The following ZNF362 variants were observed in gnomAD, a reference collection of about 807,000 sequenced individuals.
The protein encoded by ZNF362 is zinc finger protein 362.
In ZNF362, 11 loss-of-function variants were observed where a neutral mutation model predicts 42.9. The ratio of observed to expected loss-of-function variants is 0.26; its 90% confidence interval spans 0.16 to 0.42. The LOEUF is 0.42. Among genes scored for constraint, ZNF362 ranks in the 20% least tolerant of loss-of-function variants. The pLI is 1.00. For synonymous variants in ZNF362, 255 were observed against 257.3 expected (o/e 0.99, Z 0.09); for missense variants, 362 against 576.2 (o/e 0.63, Z 3.81).
In ZNF362 at chr1:33,294,504, A is replaced by G. The variant is rs1199597747; in HGVS notation, c.909-433A>G. On this transcript the variant is annotated intron_variant, in intron 6 of 8. Transcript: ENST00000539719. The surrounding 1 kb of genome is among the most constrained non-coding windows in gnomAD (Gnocchi z 4.2). ...GACAGGAAATAAGTGTCTGGGGCCAATTAGAGGGAGATGTCTCCTTCTTCT... is the reference window on the plus strand; with the variant it reads ...GACAGGAAATAAGTGTCTGGGGCCAGTTAGAGGGAGATGTCTCCTTCTTCT... Among the ~76,000 whole-genome samples, 1 of 152,174 alleles carries G rather than the reference A, an allele frequency of 6.6e-6. No homozygotes were observed. Among genetic ancestry groups the G allele is most frequent in the African/African-American group, 2.4e-5 (1 of 41,446 alleles).
rs144824041 is a variant in ZNF362, at chr1:33,272,254, T to G, written c.38+1642T>G. ...GGCCACGGTGGTGTGTGGTTGGCCT[T>G]ATAGGTGAGAGTTCTTTGCAGAAGC... On this transcript the variant is annotated intron_variant, in intron 2 of 8. Coordinates refer to ENST00000539719, the MANE Select transcript of ZNF362 (RefSeq NM_152493.3). Among the ~76,000 whole-genome samples the G allele has an allele frequency of 4.2e-3, 641 of 152,186 alleles. 7 individuals are homozygous for G. Among genetic ancestry groups the G allele is most frequent in the South Asian group, 6.0e-3 (29 of 4,812 alleles).
At chr1:33,185,030 C>T in the ZNF362 span, among the ~76,000 whole-genome samples, 1 of 152,132 alleles carries the variant, frequency 6.6e-6, no homozygotes. Context: ...ATCCAACCGC[C>T]TCTGCCTCCC....
the ZNF362 span, among the ~76,000 whole-genome samples, chr1:33,155,469 T>C: frequency 1.2e-4 from 18 of 152,204 alleles, no homozygotes; most frequent in Admixed American, 2.0e-4. Context: ...CTGTGTGACC[T>C]GAGGGAGTCA....
intron 8 of ZNF362, among the ~76,000 whole-genome samples, chr1:33,297,764 T>C (rs1176185925): frequency 6.6e-6 from 1 of 152,216 alleles, no homozygotes; most frequent in African/African-American, 2.4e-5. Flanking sequence ...TCCGCCCGCC[T>C]CAGTCTCCCA....
the ZNF362 span, among the ~76,000 whole-genome samples, chr1:33,215,043 C>T: frequency 6.6e-6 from 1 of 152,240 alleles, no homozygotes; most frequent in East Asian, 1.9e-4. Context: ...TATCTGCGCT[C>T]CCATGTTTAT....
Position 33,259,921 on chromosome 1 carries a change from T to G in ZNF362, c.-89+3267T>G, listed in dbSNP as rs79753717. On this transcript the variant is annotated intron_variant, in intron 1 of 8. Coordinates refer to ENST00000539719, the MANE Select transcript of ZNF362 (RefSeq NM_152493.3). ...GCTTCTGTGACTTTCAGCACATTCT[T>G]TCCCTTTCTGAGCCTCAGTTTCCTC... 1.5e-4 allele frequency among the ~76,000 whole-genome samples: 23 copies of G among 152,336 alleles called. No homozygotes were observed. The East Asian group carries it at 3.5e-3, about 23-fold the overall frequency.
chr1:33,236,550 A>AAAAAAATATATAT, the ZNF362 span, among the ~76,000 whole-genome samples: 1 of 5,980 alleles, frequency 1.7e-4, no homozygotes, highest in African/African-American at 3.9e-4. Flanking sequence ...AAAAAAAAAA[A>AAAAAAATATATAT]ATATATATAT....
chr1:33,282,739 T>G (rs1234789892), intron 6 of ZNF362, among the ~76,000 whole-genome samples: 1 of 151,794 alleles, frequency 6.6e-6, no homozygotes, highest in Non-Finnish European at 1.5e-5. Context: ...GGAGACTCGC[T>G]TGAACCCAGG....
At chr1:33,162,615 G>T in the ZNF362 span, among the ~76,000 whole-genome samples, 1 of 152,172 alleles carries the variant, frequency 6.6e-6, no homozygotes, top group African/African-American at 2.4e-5. Flanking sequence ...AGATTGCTCC[G>T]TAGAGCTGGG....
At chr1:33,269,951 C>G (rs1645890062) in intron 1 of ZNF362, among the ~76,000 whole-genome samples, 1 of 152,182 alleles carries the variant, frequency 6.6e-6, no homozygotes, top group South Asian at 2.1e-4. Flanking sequence ...GCTGGGCTGG[C>G]CTCAGAGACA....
intron 1 of ZNF362, among the ~76,000 whole-genome samples, chr1:33,265,467 G>T (rs553527308): frequency 1.3e-5 from 2 of 152,034 alleles, no homozygotes; most frequent in African/African-American, 4.8e-5. Context: ...GCGGAAACCC[G>T]GTCTAATTGG....
At chr1:33,258,922 C>G (rs1264504073) in intron 1 of ZNF362, among the ~76,000 whole-genome samples, 1 of 152,180 alleles carries the variant, frequency 6.6e-6, no homozygotes, top group East Asian at 1.9e-4. Context: ...TAAATTCAGG[C>G]CTGCAGGCTC....
At chr1:33,200,038 A>T in the ZNF362 span, 2 of 152,606 alleles carry the variant, frequency 1.3e-5, no homozygotes, top group African/African-American at 4.9e-5. Context: ...ACAAACAAAC[A>T]AAACAAAACA....
At chr1:33,187,987 G>A in the ZNF362 span, among the ~76,000 whole-genome samples, 1 of 152,194 alleles carries the variant, frequency 6.6e-6, no homozygotes, top group Admixed American at 6.5e-5. Flanking sequence ...TGTAATCCCA[G>A]CACTTTGGGA....
At chr1:33,164,651 C>T in the ZNF362 span, 3,402 of 152,424 alleles carry the variant, frequency 0.022, 48 homozygotes, top group Non-Finnish European at 0.035. Flanking sequence ...TTTGGCCCTA[C>T]CTTTCAGAGT....
upstream of ZNF362, among the ~76,000 whole-genome samples, chr1:33,255,080 C>A (rs1214209197): frequency 6.6e-6 from 1 of 152,236 alleles, no homozygotes; most frequent in Admixed American, 6.5e-5. Flanking sequence ...TCATGCCACA[C>A]AGATTTCTTG....
At chr1:33,250,799 G>A in the ZNF362 span, among the ~76,000 whole-genome samples, 1 of 148,052 alleles carries the variant, frequency 6.8e-6, no homozygotes, top group South Asian at 2.2e-4. Flanking sequence ...GAAGGAGGAG[G>A]AGAAGGAGAA....
chr1:33,279,867 C>T (rs1176895507), intron 4 of ZNF362, among the ~76,000 whole-genome samples: 1 of 152,118 alleles, frequency 6.6e-6, no homozygotes, highest in Non-Finnish European at 1.5e-5. Flanking sequence ...ATAAATAAGA[C>T]GGCAGTGAAC....
intron 4 of ZNF362, among the ~76,000 whole-genome samples, 199 bp from the exon 5 acceptor site, chr1:33,279,925 C>T (rs1645978941): frequency 6.6e-6 from 1 of 152,178 alleles, no homozygotes; most frequent in Admixed American, 6.5e-5. Context: ...TTCCAAAGTG[C>T]CCCTGTTATC....
Sources: gnomAD v4.1 joint callset for allele counts (sites outside exome capture counted in the v4.1 genomes callset) on GRCh38, gnomAD v4.1.1 for gene constraint, Gnocchi (gnomAD v3.1) non-coding constraint, MANE v1.5 for transcripts, NCBI Gene and HGNC (gene_info 2026-07-23, HGNC 2026-07-21) for gene names.